RAPGEF6: variants seen among roughly 807,000 people sequenced by gnomAD.
RAPGEF6 encodes Rap guanine nucleotide exchange factor 6.
In RAPGEF6, 56 loss-of-function variants were observed where a neutral mutation model predicts 171.4. The ratio of observed to expected loss-of-function variants is 0.33; its 90% confidence interval spans 0.26 to 0.41. RAPGEF6 has a LOEUF of 0.41. RAPGEF6 is among the 10% of genes least tolerant of loss of function. The pLI is 1.00. For missense variants in RAPGEF6, 1,674 were observed against 1,921.4 expected (o/e 0.87, Z 2.41); for synonymous variants, 692 against 650.1 (o/e 1.06, Z -0.98).
intron 3 of RAPGEF6, among the ~76,000 whole-genome samples, chr5:131,597,036 A>G (rs531022937): frequency 7.5e-4 from 114 of 152,296 alleles, no homozygotes; most frequent in South Asian, 6.2e-3. Context: ...TTAATAGCAA[A>G]AAAAAACTGA....
chr5:131,500,765 C>A (rs889353468), intron 11 of RAPGEF6, among the ~76,000 whole-genome samples: 2 of 152,064 alleles, frequency 1.3e-5, no homozygotes, highest in Admixed American at 6.6e-5. Flanking sequence ...CTGAAACTAT[C>A]GCCTTGTCTT....
Position 131,544,388 on chromosome 5 carries a change from T to C in RAPGEF6, c.495+3659A>G, listed in dbSNP as rs966687441. On this transcript the variant is annotated intron_variant, in intron 6 of 27. Transcript: ENST00000509018. ...AAGAGAGGGGAAAAAATATAATTGA[T>C]GCACACGACAGGGAAAGGTCTCAAA... Among the ~76,000 whole-genome samples, 19 of 151,948 alleles carry C rather than the reference T, an allele frequency of 1.3e-4. 1 individual carries two copies.
chr5:131,490,607 C>T (rs999742728), intron 14 of RAPGEF6, among the ~76,000 whole-genome samples: 1 of 152,076 alleles, frequency 6.6e-6, no homozygotes, highest in Non-Finnish European at 1.5e-5. Context: ...TTCTCTTGGG[C>T]AACATTAAGT....
intron 1 of RAPGEF6, 84 bp downstream of exon 1, chr5:131,634,878 A>C: frequency 1.4e-6 from 2 of 1,471,126 alleles, no homozygotes; most frequent in Non-Finnish European, 1.9e-6. Context: ...CTCTGGCAAG[A>C]GGGCAGTCGC....
intron 1 of RAPGEF6, among the ~76,000 whole-genome samples, chr5:131,619,987 T>C (rs541433214): frequency 6.6e-6 from 1 of 152,332 alleles, no homozygotes; most frequent in South Asian, 2.1e-4. Flanking sequence ...GGATTAAATG[T>C]ATATAAAGTT....
At chr5:131,477,785 GA>G (rs1755204059) in intron 16 of RAPGEF6, among the ~76,000 whole-genome samples, 1 of 152,124 alleles carries the variant, frequency 6.6e-6, no homozygotes, top group East Asian at 1.9e-4. Flanking sequence ...GTTAATGGAA[GA>G]AAGATCTATT....
At chr5:131,564,885 G>A (rs1332192273) in intron 4 of RAPGEF6, among the ~76,000 whole-genome samples, 1 of 152,136 alleles carries the variant, frequency 6.6e-6, no homozygotes, top group Non-Finnish European at 1.5e-5. Context: ...TATCAGTAAT[G>A]TTAAAATTGG....
chr5:131,536,624 A>G (rs1440866395), intron 6 of RAPGEF6, among the ~76,000 whole-genome samples: 2 of 152,110 alleles, frequency 1.3e-5, no homozygotes, highest in African/African-American at 4.8e-5. Flanking sequence ...AAAAACCAAG[A>G]AGGAGAGAGA....
At chr5:131,532,580 T>C (rs1230733203) in intron 6 of RAPGEF6, among the ~76,000 whole-genome samples, 1 of 152,136 alleles carries the variant, frequency 6.6e-6, no homozygotes, top group Non-Finnish European at 1.5e-5. Flanking sequence ...TTTCATTCTG[T>C]AGAACAAGCA....
chr5:131,508,293 T>G, intron 8 of RAPGEF6, 86 bp from the exon 9 acceptor site: 6 of 1,280,150 alleles, frequency 4.7e-6, no homozygotes, highest in Non-Finnish European at 6.3e-6. Context: ...AATTCCCAAT[T>G]TCACAATCAA....
At chr5:131,490,156 G>A (rs1047660821) in intron 14 of RAPGEF6, among the ~76,000 whole-genome samples, 1 of 152,090 alleles carries the variant, frequency 6.6e-6, no homozygotes, top group African/African-American at 2.4e-5. Context: ...CTTCTTCCAG[G>A]TAAACACTGC....
chr5:131,565,018 A>G (rs892583330), intron 4 of RAPGEF6, among the ~76,000 whole-genome samples: 1 of 152,136 alleles, frequency 6.6e-6, no homozygotes, highest in Non-Finnish European at 1.5e-5. Context: ...TAGGGCTATT[A>G]AAATACGTAT....
chr5:131,635,038 G>A lies in RAPGEF6; in HGVS notation c.-8C>T, dbSNP rs746481955. On this transcript the variant is annotated 5_prime_UTR_variant, in exon 1 of 28. Coordinates refer to ENST00000509018, the MANE Select transcript of RAPGEF6 (RefSeq NM_016340.6). Reference sequence around the variant, plus strand: ...GTCCACGGGTGAGTTCATGGCCACGGCCCGGGTACTCCGCAGCCTGCCCTT... The same window carrying A: ...GTCCACGGGTGAGTTCATGGCCACGACCCGGGTACTCCGCAGCCTGCCCTT... 5 of 1,601,640 alleles carry A rather than the reference G, an allele frequency of 3.1e-6. No homozygotes were observed. The highest frequency in any genetic ancestry group is 4.3e-6 in the Non-Finnish European group (5 of 1,170,844).
intron 17 of RAPGEF6, among the ~76,000 whole-genome samples, chr5:131,468,402 T>A (rs1052577440): frequency 1.3e-5 from 2 of 149,680 alleles, no homozygotes; most frequent in Non-Finnish European, 3.0e-5. Flanking sequence ...TCTTATGTAA[T>A]AGGTAAATAA....
In RAPGEF6 at chr5:131,604,608, C is replaced by T. The variant is rs772971453; in HGVS notation, c.140+15G>A. On this transcript the variant is annotated intron_variant, in intron 2 of 27. Transcript: ENST00000509018. ...GCTATACAGCGTGTGCTCTTAAATACAGAACGACACTTACCTAAGCTGATG... is the reference window on the plus strand; with the variant it reads ...GCTATACAGCGTGTGCTCTTAAATATAGAACGACACTTACCTAAGCTGATG... 3 of 1,609,310 alleles carry T rather than the reference C, an allele frequency of 1.9e-6. No homozygotes were observed. Among genetic ancestry groups the T allele is most frequent in the Non-Finnish European group, 1.7e-6 (2 of 1,178,326 alleles).
intron 5 of RAPGEF6, among the ~76,000 whole-genome samples, chr5:131,555,196 C>A (rs1339710292): frequency 6.6e-6 from 1 of 152,132 alleles, no homozygotes; most frequent in Non-Finnish European, 1.5e-5. Flanking sequence ...TAATAAATTT[C>A]TTGGTATCCA....
chr5:131,620,784 AT>A (rs1182557188), intron 1 of RAPGEF6, among the ~76,000 whole-genome samples: 3 of 152,016 alleles, frequency 2.0e-5, no homozygotes, highest in Admixed American at 6.6e-5. Flanking sequence ...TAGAGACAGC[AT>A]TTTGCCATGT....
Position 131,431,383 on chromosome 5 carries a change from T to G in RAPGEF6, c.3975-34A>C, listed in dbSNP as rs753439424. The G allele has an allele frequency of 1.6e-5, 24 of 1,544,190 alleles. No homozygotes were observed. The East Asian group carries it at 5.0e-4, about 32-fold the overall frequency. On this transcript the variant is annotated intron_variant, in intron 25 of 27. Transcript: ENST00000509018. Reference sequence around the variant, plus strand: ...GGAGATAACGTACAATTAGAAGGCTTGCCAGAAAAACTATCTTCTCTCTGT... The same window carrying G: ...GGAGATAACGTACAATTAGAAGGCTGGCCAGAAAAACTATCTTCTCTCTGT...
At chr5:131,448,003 G>A (rs1752831425) in intron 21 of RAPGEF6, among the ~76,000 whole-genome samples, 1 of 152,168 alleles carries the variant, frequency 6.6e-6, no homozygotes, top group South Asian at 2.1e-4. Flanking sequence ...TGATTATAAG[G>A]AAGTAGTAAA....
Sources: allele counts gnomAD v4.1 joint callset (sites outside exome capture counted in the v4.1 genomes callset), GRCh38; gene constraint gnomAD v4.1.1; transcripts MANE v1.5; gene names NCBI Gene and HGNC (gene_info 2026-07-23, HGNC 2026-07-21).